HTR1E: variants seen among roughly 807,000 people sequenced by gnomAD.
HTR1E encodes 5-HT-1E.
HTR1E carries 3 observed loss-of-function variants against 3.4 expected under a neutral mutation model. The observed-to-expected ratio is 0.89, with a 90% CI of 0.41 to 2.31. The LOEUF is 2.31. HTR1E is among the 30% of genes most tolerant of loss of function. The probability of loss-of-function intolerance (pLI) is 0.05; values close to 1 mark genes in which losing one functional copy is unlikely to be tolerated. For synonymous variants in HTR1E, 170 were observed against 182.8 expected (o/e 0.93, Z 0.56); for missense variants, 392 against 467.0 (o/e 0.84, Z 1.48).
At chr6:86,946,892 G>A (rs1033378877) in intron 1 of HTR1E, among the ~76,000 whole-genome samples, 1 of 152,064 alleles carries the variant, frequency 6.6e-6, no homozygotes, top group Admixed American at 6.5e-5. Context: ...CAAGACAGGC[G>A]GATCACCTGA....
intron 1 of HTR1E, among the ~76,000 whole-genome samples, chr6:86,986,735 G>C (rs1299487961): frequency 6.6e-6 from 1 of 152,116 alleles, no homozygotes; most frequent in South Asian, 2.1e-4. Context: ...AGAGATATTA[G>C]TACCCTATCA....
At chr6:86,955,396 TCACA>T in intron 1 of HTR1E, among the ~76,000 whole-genome samples, 1 of 152,334 alleles carries the variant, frequency 6.6e-6, no homozygotes, top group Non-Finnish European at 1.5e-5. Context: ...GGAACTTCTC[TCACA>T]GATACTTGAT....
chr6:87,007,219 G>A (rs1253118049), intron 1 of HTR1E, among the ~76,000 whole-genome samples: 1 of 152,142 alleles, frequency 6.6e-6, no homozygotes, highest in Non-Finnish European at 1.5e-5. Flanking sequence ...AATAAGCCAG[G>A]CACAGGAAGA....
intron 1 of HTR1E, among the ~76,000 whole-genome samples, chr6:86,983,725 C>T (rs1039049545): frequency 6.6e-6 from 1 of 152,038 alleles, no homozygotes; most frequent in Non-Finnish European, 1.5e-5. Context: ...CCCAATCACC[C>T]AGATTTGATC....
intron 1 of HTR1E, among the ~76,000 whole-genome samples, chr6:86,998,980 AAC>A (rs1325633738): frequency 6.6e-6 from 1 of 152,132 alleles, no homozygotes; most frequent in Non-Finnish European, 1.5e-5. Flanking sequence ...TTTATTTTCA[AAC>A]AGAGTCTCGC....
At chr6:86,958,241 G>T (rs1465254224) in intron 1 of HTR1E, among the ~76,000 whole-genome samples, 1 of 151,982 alleles carries the variant, frequency 6.6e-6, no homozygotes, top group Non-Finnish European at 1.5e-5. Flanking sequence ...TGTATTTTTA[G>T]TAGAGACGAG....
intron 1 of HTR1E, among the ~76,000 whole-genome samples, chr6:86,989,665 A>G (rs1189243092): frequency 6.6e-6 from 1 of 152,238 alleles, no homozygotes; most frequent in Non-Finnish European, 1.5e-5. Flanking sequence ...CAATTACCAT[A>G]ACACTGACTG....
intron 1 of HTR1E, among the ~76,000 whole-genome samples, chr6:86,973,278 A>G (rs1767585603): frequency 6.7e-6 from 1 of 150,244 alleles, no homozygotes; most frequent in African/African-American, 2.5e-5. Flanking sequence ...AGAAATAATG[A>G]GCCAGAACAA....
rs753436513 is a variant in HTR1E, at chr6:87,016,357, T to G, written c.1023T>G (p.Pro341=). The G allele has an allele frequency of 6.2e-7, 1 of 1,614,180 alleles. No individual in the cohort carries two copies. The highest frequency in any genetic ancestry group is 1.1e-5 in the South Asian group (1 of 91,076). Residue 341 remains proline (P), a synonymous_variant, in exon 2 of 2, where the codon CCT becomes CCG. Transcript: ENST00000305344. ...WLGYVNSLIN[P]LLYTSFNEDF... Reference sequence around the variant, plus strand: ...GTTATGTGAATTCTCTGATCAACCCTCTGCTCTATACGAGTTTTAATGAAG... The same window carrying G: ...GTTATGTGAATTCTCTGATCAACCCGCTGCTCTATACGAGTTTTAATGAAG...
chr6:86,959,993 T>C (rs912960731), intron 1 of HTR1E, among the ~76,000 whole-genome samples: 2 of 152,150 alleles, frequency 1.3e-5, no homozygotes, highest in Admixed American at 6.5e-5. Context: ...AGTAAGTACA[T>C]TGAAATGCAG....
intron 1 of HTR1E, among the ~76,000 whole-genome samples, chr6:86,977,932 C>CTTAA (rs1767662855): frequency 6.6e-6 from 1 of 152,028 alleles, no homozygotes. Flanking sequence ...TCTTGATTTG[C>CTTAA]TTAAATTCCT....
intron 1 of HTR1E, among the ~76,000 whole-genome samples, chr6:86,939,344 A>G (rs1417689511): frequency 6.6e-6 from 1 of 152,186 alleles, no homozygotes; most frequent in Non-Finnish European, 1.5e-5. Flanking sequence ...ATAGCACCTC[A>G]CCACTAACTA....
chr6:86,980,229 T>C (rs1410265688), intron 1 of HTR1E, among the ~76,000 whole-genome samples: 1 of 150,760 alleles, frequency 6.6e-6, no homozygotes, highest in Non-Finnish European at 1.5e-5. Context: ...CTACTAAAAA[T>C]AGAAAAAAAT....
At chr6:86,955,833 T>C (rs1767314627) in intron 1 of HTR1E, among the ~76,000 whole-genome samples, 1 of 152,098 alleles carries the variant, frequency 6.6e-6, no homozygotes, top group Non-Finnish European at 1.5e-5. Context: ...TGATGATAAA[T>C]TTACACTTGT....
At chr6:86,956,878 T>C (rs1767333421) in intron 1 of HTR1E, among the ~76,000 whole-genome samples, 1 of 152,242 alleles carries the variant, frequency 6.6e-6, no homozygotes. Flanking sequence ...CTTCAGAGTC[T>C]TATGAGAATA....
chr6:87,013,619 G>A (rs1401924350), intron 1 of HTR1E, among the ~76,000 whole-genome samples: 2 of 151,614 alleles, frequency 1.3e-5, no homozygotes, highest in African/African-American at 4.8e-5. Context: ...TTCTTTAACG[G>A]CCCCAGAATG....
chr6:86,946,781 A>G (rs763784292), intron 1 of HTR1E, among the ~76,000 whole-genome samples: 7 of 152,216 alleles, frequency 4.6e-5, no homozygotes, highest in Admixed American at 6.5e-5. Flanking sequence ...CTGCCCTGAA[A>G]AGTGGCTTGC....
At chr6:87,003,959 G>A (rs983075430) in intron 1 of HTR1E, among the ~76,000 whole-genome samples, 2 of 152,060 alleles carry the variant, frequency 1.3e-5, no homozygotes, top group African/African-American at 2.4e-5. Flanking sequence ...TCAAAAGATC[G>A]TTAGAGGCTA....
chr6:87,008,036 A>C (rs1387937064), intron 1 of HTR1E, among the ~76,000 whole-genome samples: 1 of 152,250 alleles, frequency 6.6e-6, no homozygotes, highest in African/African-American at 2.4e-5. Flanking sequence ...GTGACAACAA[A>C]AGACTTGTAT....
Sources: gnomAD v4.1 joint callset for allele counts (sites outside exome capture counted in the v4.1 genomes callset) on GRCh38, gnomAD v4.1.1 for gene constraint, MANE v1.5 for transcripts, NCBI Gene and HGNC (gene_info 2026-07-23, HGNC 2026-07-21) for gene names.